ZNF148: variants seen among roughly 807,000 people sequenced by gnomAD.
The protein encoded by ZNF148 is zinc finger protein 148.
A neutral mutation model predicts 67.7 loss-of-function variants in ZNF148; 7 were observed. The observed-to-expected ratio is 0.10, with a 90% CI of 0.06 to 0.19. The LOEUF (loss-of-function observed/expected upper bound fraction) is 0.19, where lower values mean the gene tolerates loss of function less well. Ranked by LOEUF, ZNF148 falls within the 10% of genes least tolerant of loss-of-function variation. ZNF148 has a pLI of 1.00. For synonymous variants in ZNF148, 333 were observed against 330.7 expected, an observed-to-expected ratio of 1.01 and a Z score of -0.08; for missense variants, 583 against 947.1, an observed-to-expected ratio of 0.62 and a Z score of 5.05.
chr3:125,236,746 C>T, intron 7 of ZNF148, among the ~76,000 whole-genome samples: 1 of 152,128 alleles, frequency 6.6e-6, no homozygotes, highest in South Asian at 2.1e-4. Flanking sequence ...GCTCGAGAGG[C>T]CCACACGGAC....
chr3:125,233,068 T>C lies in ZNF148; in HGVS notation c.1658A>G (p.Asn553Ser), dbSNP rs1935928274. 5 of 1,613,430 alleles carry C rather than the reference T, an allele frequency of 3.1e-6. No homozygotes were observed. The highest frequency in any genetic ancestry group is 4.2e-6 in the Non-Finnish European group (5 of 1,179,844). The change falls in exon 9 of 9, where the codon AAT becomes AGT. Residue 553 changes from asparagine to serine, a missense_variant. Transcript: ENST00000360647. The surrounding 1 kb of genome is among the most constrained non-coding windows in gnomAD (Gnocchi z 5.1). ...TLLDHYSHKA[N>S]GQHEISFSVA... ...ACTGAAGGATATCTCATGCTGTCCATTAGCTTTGTGGGAATAATGATCCAA... is the reference window on the plus strand; with the variant it reads ...ACTGAAGGATATCTCATGCTGTCCACTAGCTTTGTGGGAATAATGATCCAA...
chr3:125,258,272 A>C (rs1415000710), intron 7 of ZNF148, among the ~76,000 whole-genome samples: 1 of 151,936 alleles, frequency 6.6e-6, no homozygotes, highest in Non-Finnish European at 1.5e-5. Flanking sequence ...AAATACAAAA[A>C]AAATTAGCCG....
chr3:125,249,572 T>C (rs941785637), intron 7 of ZNF148, among the ~76,000 whole-genome samples: 1 of 152,028 alleles, frequency 6.6e-6, no homozygotes, highest in Non-Finnish European at 1.5e-5. Context: ...GCTGCCGAGA[T>C]TGTAAACTGA....
chr3:125,338,856 GT>G (rs966809881), intron 1 of ZNF148: 5 of 152,024 alleles, frequency 3.3e-5, no homozygotes, highest in African/African-American at 1.2e-4. Flanking sequence ...GATCTACTCT[GT>G]CTAGAATACA....
At chr3:125,321,040 T>C (rs1940748017) in intron 3 of ZNF148, among the ~76,000 whole-genome samples, 1 of 152,188 alleles carries the variant, frequency 6.6e-6, no homozygotes, top group African/African-American at 2.4e-5. Flanking sequence ...GCTTTCATCC[T>C]TGAAAAGTAT....
At chr3:125,300,946 G>A (rs1939555835) in intron 4 of ZNF148, among the ~76,000 whole-genome samples, 1 of 90,548 alleles carries the variant, frequency 1.1e-5, no homozygotes, top group African/African-American at 4.2e-5. Context: ...GTGTAAAATG[G>A]ATAAGCCAAA....
chr3:125,362,286 C>T (rs1366371305), intron 1 of ZNF148, among the ~76,000 whole-genome samples: 9 of 152,204 alleles, frequency 5.9e-5, no homozygotes. Context: ...ATCCTCTTCA[C>T]AGCTTCTAAA....
intron 2 of ZNF148, among the ~76,000 whole-genome samples, chr3:125,330,465 CAAAAAA>C (rs200643048): frequency 1.7e-4 from 20 of 118,482 alleles, no homozygotes; most frequent in South Asian, 5.2e-4. Context: ...AACCCTATCT[CAAAAAA>C]AAAAAAAAAA....
chr3:125,373,848 T>C (rs1270889783), intron 1 of ZNF148, among the ~76,000 whole-genome samples: 2 of 152,172 alleles, frequency 1.3e-5, no homozygotes, highest in Non-Finnish European at 2.9e-5. Flanking sequence ...AAATGAAGTA[T>C]CTAAAGAAGA....
intron 1 of ZNF148, among the ~76,000 whole-genome samples, chr3:125,350,687 G>A (rs1269294233): frequency 6.6e-6 from 1 of 152,212 alleles, no homozygotes; most frequent in Non-Finnish European, 1.5e-5. Flanking sequence ...ACGCTCCTAA[G>A]AGAATGTAAG....
At chr3:125,291,080 G>A (rs547928748) in intron 4 of ZNF148, among the ~76,000 whole-genome samples, 1 of 152,130 alleles carries the variant, frequency 6.6e-6, no homozygotes, top group South Asian at 2.1e-4. Context: ...CACTACAGTT[G>A]CAAATTTTGG....
Position 125,297,928 on chromosome 3 carries a change from C to T in ZNF148, c.334-9700G>A, listed in dbSNP as rs79418871. On this transcript the variant is annotated intron_variant, in intron 4 of 8. Transcript: ENST00000360647. The stretch of plus-strand genomic sequence containing the variant: ...ACATCCAAGAATATTCACAGCAGCA[C>T]TTAATACCAAACATCTAGAAACAAT... 9.2e-3 allele frequency among the ~76,000 whole-genome samples: 1,402 copies of T among 152,228 alleles called. 25 individuals are homozygous for T. Among genetic ancestry groups the T allele is most frequent in the African/African-American group, 0.03 (1,233 of 41,546 alleles).
chr3:125,351,380 CAAA>C (rs1158167448), intron 1 of ZNF148, among the ~76,000 whole-genome samples: 3 of 51,352 alleles, frequency 5.8e-5, no homozygotes, highest in Admixed American at 6.1e-4. Context: ...CCTTGTTTCT[CAAA>C]AAAAAAAAAA....
chr3:125,345,581 T>TAAC (rs145079901), intron 1 of ZNF148, among the ~76,000 whole-genome samples: 112,367 of 150,596 alleles, frequency 0.75, 42,332 homozygotes, highest in African/African-American at 0.82. Flanking sequence ...CTATCAAAAC[T>TAAC]AACAACAACA....
At chr3:125,296,821 A>C (rs1271734088) in intron 4 of ZNF148, among the ~76,000 whole-genome samples, 1 of 152,174 alleles carries the variant, frequency 6.6e-6, no homozygotes, top group African/African-American at 2.4e-5. Context: ...TTAATGACCA[A>C]GATGAAATGC....
At chr3:125,261,071 G>A (rs935631206) in intron 7 of ZNF148, among the ~76,000 whole-genome samples, 7 of 152,122 alleles carry the variant, frequency 4.6e-5, no homozygotes, top group Non-Finnish European at 1.0e-4. Flanking sequence ...ACCTGTTTAG[G>A]AGAAAGACTG....
chr3:125,337,712 A>G (rs2107726450), intron 1 of ZNF148, among the ~76,000 whole-genome samples: 1 of 152,296 alleles, frequency 6.6e-6, no homozygotes, highest in East Asian at 1.9e-4. Flanking sequence ...CAACTATCTG[A>G]GCAAGTATTA....
chr3:125,266,526 G>A (rs967418026), intron 7 of ZNF148, among the ~76,000 whole-genome samples: 17 of 152,158 alleles, frequency 1.1e-4, no homozygotes, highest in South Asian at 4.1e-4. Flanking sequence ...TGAAACAAAC[G>A]AAAACAGAGA....
At chr3:125,370,247 G>A (rs1485649946) in intron 1 of ZNF148, among the ~76,000 whole-genome samples, 1 of 152,106 alleles carries the variant, frequency 6.6e-6, no homozygotes, top group Non-Finnish European at 1.5e-5. Flanking sequence ...TTCTAATCCA[G>A]TCTGTCTTCT....
Sources: gnomAD v4.1 joint callset for allele counts (sites outside exome capture counted in the v4.1 genomes callset) on GRCh38, gnomAD v4.1.1 for gene constraint, Gnocchi (gnomAD v3.1) non-coding constraint, MANE v1.5 for transcripts, NCBI Gene and HGNC (gene_info 2026-07-23, HGNC 2026-07-21) for gene names.